The following PLEKHA2 variants were observed in gnomAD, a reference collection of about 807,000 sequenced individuals.
PLEKHA2 encodes the protein pleckstrin homology domain-containing family A member 2.
A neutral mutation model predicts 53.2 loss-of-function variants in PLEKHA2; 28 were observed. That is an observed-to-expected ratio of 0.53 (90% CI 0.39 to 0.72). The LOEUF (loss-of-function observed/expected upper bound fraction) is 0.72, where lower values mean the gene tolerates loss of function less well. PLEKHA2 is among the 30% of genes least tolerant of loss of function. PLEKHA2 has a pLI of 0.00. For synonymous variants in PLEKHA2, 193 were observed against 196.4 expected (o/e 0.98, Z 0.14); for missense variants, 426 against 537.9 (o/e 0.79, Z 2.06).
chr8:38,944,281 G>A (rs765939875), intron 4 of PLEKHA2, among the ~76,000 whole-genome samples: 5 of 152,022 alleles, frequency 3.3e-5, no homozygotes, highest in South Asian at 2.1e-4. Context: ...TTGGGAGGCC[G>A]AGGCGGGCAG....
intron 3 of PLEKHA2, among the ~76,000 whole-genome samples, chr8:38,937,268 C>A (rs141642874): frequency 6.6e-6 from 1 of 152,184 alleles, no homozygotes; most frequent in Non-Finnish European, 1.5e-5. Context: ...GCACAGCTGC[C>A]GGCAATTTGT....
intron 9 of PLEKHA2, among the ~76,000 whole-genome samples, chr8:38,956,260 C>T (rs1417057674): frequency 2.0e-5 from 3 of 152,348 alleles, no homozygotes; most frequent in Non-Finnish European, 2.9e-5. Context: ...CGCCCTCTTC[C>T]TTGCAGAAGT....
intron 2 of PLEKHA2, among the ~76,000 whole-genome samples, chr8:38,931,757 C>T (rs1012727550): frequency 6.6e-6 from 1 of 152,172 alleles, no homozygotes; most frequent in Non-Finnish European, 1.5e-5. Context: ...TCATGACCTT[C>T]GTGTGCTTCC....
intron 1 of PLEKHA2, among the ~76,000 whole-genome samples, chr8:38,906,994 A>G (rs1276671110): frequency 6.6e-6 from 1 of 152,058 alleles, no homozygotes; most frequent in Non-Finnish European, 1.5e-5. Flanking sequence ...TTCCCAAAAA[A>G]CTTTCTCCTG....
At chr8:38,968,865 G>C in intron 11 of PLEKHA2, 196 bp downstream of exon 11, 2 of 545,274 alleles carry the variant, frequency 3.7e-6, no homozygotes, top group Non-Finnish European at 6.5e-6. Context: ...TGTGGGAGGA[G>C]GTGAGGTAGG....
intron 10 of PLEKHA2, among the ~76,000 whole-genome samples, chr8:38,966,378 A>T (rs901563370): frequency 6.6e-6 from 1 of 152,228 alleles, no homozygotes; most frequent in East Asian, 1.9e-4. Flanking sequence ...CTGCATGTGC[A>T]CACCAATGCA....
chr8:38,907,114 C>T (rs1279652562), intron 1 of PLEKHA2, among the ~76,000 whole-genome samples: 3 of 152,210 alleles, frequency 2.0e-5, no homozygotes, highest in South Asian at 2.1e-4. Context: ...ACGTACCACA[C>T]GCCCCACTCC....
chr8:38,950,093 G>A (rs770726411), intron 5 of PLEKHA2, among the ~76,000 whole-genome samples: 2 of 152,164 alleles, frequency 1.3e-5, no homozygotes, highest in East Asian at 3.8e-4. Flanking sequence ...CTAGCCTGGA[G>A]TACAGTGGTG....
At chr8:38,918,397 C>T (rs796191564) in intron 2 of PLEKHA2, among the ~76,000 whole-genome samples, 19 of 149,158 alleles carry the variant, frequency 1.3e-4, no homozygotes, top group African/African-American at 4.7e-4. Flanking sequence ...ACCCCCCATA[C>T]ACATACCACA....
intron 5 of PLEKHA2, among the ~76,000 whole-genome samples, chr8:38,949,306 G>A (rs1834779963): frequency 6.6e-6 from 1 of 151,886 alleles, no homozygotes; most frequent in Admixed American, 6.6e-5. Context: ...AAGTGGGCAA[G>A]GAGGAGGAAA....
chr8:38,905,826 A>G (rs928658309), intron 1 of PLEKHA2, among the ~76,000 whole-genome samples: 1 of 151,954 alleles, frequency 6.6e-6, no homozygotes, highest in Non-Finnish European at 1.5e-5. Context: ...CTGGGTCTAC[A>G]GGCGCATGCC....
chr8:38,907,221 A>G (rs1833890574), intron 1 of PLEKHA2, among the ~76,000 whole-genome samples: 1 of 152,232 alleles, frequency 6.6e-6, no homozygotes. Context: ...TCTAAATTTT[A>G]AAAATGAGTA....
In PLEKHA2 at chr8:38,946,120, G is replaced by T. The variant is rs79105253; in HGVS notation, c.248-4G>T. ...TCTTCCCTTCTTTTCTGTGGCTTTTGTAGTTATCAATGCCCTGTCTCAGAG... is the reference window on the plus strand; with the variant it reads ...TCTTCCCTTCTTTTCTGTGGCTTTTTTAGTTATCAATGCCCTGTCTCAGAG... On this transcript the variant is annotated splice_region_variant and splice_polypyrimidine_tract_variant and intron_variant, in intron 4 of 11. Transcript: ENST00000617275. 2 of 1,599,544 alleles carry T rather than the reference G, an allele frequency of 1.3e-6. No homozygotes were observed. The highest frequency in any genetic ancestry group is 1.7e-6 in the Non-Finnish European group (2 of 1,171,950).
At chr8:38,919,943 A>G (rs942786023) in intron 2 of PLEKHA2, among the ~76,000 whole-genome samples, 10 of 152,002 alleles carry the variant, frequency 6.6e-5, no homozygotes, top group Non-Finnish European at 1.0e-4. Flanking sequence ...AGGCCCTGCG[A>G]TATCATTTTC....
chr8:38,948,010 C>G (rs11782243), intron 5 of PLEKHA2, among the ~76,000 whole-genome samples: 17,856 of 149,484 alleles, frequency 0.12, 1,244 homozygotes, highest in East Asian at 0.21. Flanking sequence ...CACTTGAACC[C>G]AGGAGCTGGA....
At chr8:38,930,545 A>G (rs182013810) in intron 2 of PLEKHA2, among the ~76,000 whole-genome samples, 3 of 152,252 alleles carry the variant, frequency 2.0e-5, no homozygotes, top group Admixed American at 6.5e-5. Context: ...CCTGTGCCCT[A>G]TGTGGTTCCA....
At chr8:38,915,006 G>A (rs878887168) in intron 1 of PLEKHA2, among the ~76,000 whole-genome samples, 5 of 152,096 alleles carry the variant, frequency 3.3e-5, no homozygotes, top group Admixed American at 1.3e-4. Flanking sequence ...GAGTGGAGTG[G>A]TGCTCTCATG....
chr8:38,913,379 A>AG (rs200240480), intron 1 of PLEKHA2, among the ~76,000 whole-genome samples: 2,527 of 151,408 alleles, frequency 0.017, 39 homozygotes, highest in Non-Finnish European at 0.025. Context: ...GGAAAAAAAA[A>AG]AAAAAAAGAA....
chr8:38,950,873 C>T lies in PLEKHA2; in HGVS notation c.369C>T (p.Pro123=). ...AGGTTCCCAAAGGTGGGGGCCTACCCATGACCACTGAAGTTCTCAAGAGCT... is the reference window on the plus strand; with the variant it reads ...AGGTTCCCAAAGGTGGGGGCCTACCTATGACCACTGAAGTTCTCAAGAGCT... ...KITVPKGGGL[P]MTTEVLKSLA... is the part of the protein sequence containing the mutation. Residue 123 remains proline (P), a synonymous_variant, in exon 6 of 12, where the codon CCC becomes CCT. Coordinates refer to ENST00000617275, the MANE Select transcript of PLEKHA2 (RefSeq NM_021623.2). 2 of 1,613,880 alleles carry T rather than the reference C, an allele frequency of 1.2e-6. No individual in the cohort carries two copies. The highest frequency in any genetic ancestry group is 1.1e-5 in the South Asian group (1 of 91,062).
Sources: allele counts gnomAD v4.1 joint callset (sites outside exome capture counted in the v4.1 genomes callset), GRCh38; gene constraint gnomAD v4.1.1; transcripts MANE v1.5; gene names NCBI Gene and HGNC (gene_info 2026-07-23, HGNC 2026-07-21).